Variants in BNC1 observed in about 807,000 individuals in gnomAD.
The protein encoded by BNC1 is basonuclin zinc finger protein 1, also known as zinc finger protein basonuclin-1.
BNC1 carries 8 observed loss-of-function variants against 66.5 expected under a neutral mutation model. That is an observed-to-expected ratio of 0.12 (90% confidence interval 0.07 to 0.22). BNC1 has a LOEUF of 0.22. BNC1 is among the 10% of genes least tolerant of loss of function. The pLI, the probability that BNC1 is intolerant of heterozygous loss-of-function variation, is 1.00. For synonymous variants in BNC1, 454 were observed against 452.6 expected (o/e 1.00, Z -0.04); for missense variants, 1,069 against 1,241.3 (o/e 0.86, Z 2.09).
At chr15:83,262,150 C>T (rs908361115) in intron 4 of BNC1, among the ~76,000 whole-genome samples, 1 of 148,780 alleles carries the variant, frequency 6.7e-6, no homozygotes, top group South Asian at 2.2e-4. Context: ...CGGGTTCAAA[C>T]GTTTCTCCTG....
Position 83,264,821 on chromosome 15 carries a change from C to T in BNC1, c.436-6G>A, listed in dbSNP as rs1176259317. On this transcript the variant is annotated splice_region_variant and splice_polypyrimidine_tract_variant and intron_variant, in intron 3 of 4. Coordinates refer to ENST00000345382, the MANE Select transcript of BNC1 (RefSeq NM_001717.4). Reference sequence around the variant, plus strand: ...AACACCTTTCCTGATGCATCCTAAACCCAAACCAGATGTTAGAAGTGTGAT... The same window carrying T: ...AACACCTTTCCTGATGCATCCTAAATCCAAACCAGATGTTAGAAGTGTGAT... The T allele has an allele frequency of 6.2e-6, 10 of 1,609,784 alleles. No homozygotes were observed. The East Asian group carries it at 2.2e-4, about 36-fold the overall frequency.
In BNC1 at chr15:83,267,634, G is replaced by T. The variant is rs1228653615; in HGVS notation, c.199+499C>A. ...ACACTAGTCACATTTCAAGTACTCA[G>T]TAGCCACAAGTGACTACTGTAGAGT... On this transcript the variant is annotated intron_variant, in intron 2 of 4. Transcript: ENST00000345382. Among the ~76,000 whole-genome samples, 4 of 152,156 alleles carry T rather than the reference G, an allele frequency of 2.6e-5. No individual in the cohort carries two copies. The South Asian group carries it at 6.2e-4, about 24-fold the overall frequency.
intron 1 of BNC1, among the ~76,000 whole-genome samples, chr15:83,282,118 G>A (rs1463125069): frequency 5.9e-5 from 9 of 152,132 alleles, no homozygotes; most frequent in Admixed American, 5.9e-4. Context: ...TAGTCTGAAG[G>A]GACACTATAG....
rs779916181 is a variant in BNC1 at position 83,258,048 on chromosome 15, T to C, written c.2379A>G (p.Ala793=). 3.7e-6 allele frequency: 6 copies of C among 1,613,846 alleles called. No homozygotes were observed. In the South Asian group the frequency reaches 6.6e-5, roughly 18 times the overall value. The part of the protein sequence containing the change: ...ALESSEDHFR[A]AYLLKDVAKE... ...TAGCCACATCTTTCAGAAGGTAAGC[T>C]GCACGGAAATGATCTTCACTACTCT... Residue 793 remains alanine, a synonymous_variant, in exon 5 of 5, where the codon GCA becomes GCG. Transcript: ENST00000345382.
At chr15:83,277,230 TA>T (rs1280383837) in intron 1 of BNC1, among the ~76,000 whole-genome samples, 1 of 152,140 alleles carries the variant, frequency 6.6e-6, no homozygotes, top group African/African-American at 2.4e-5. Context: ...CATGCCACCA[TA>T]ACCAGCTAAT....
At chr15:83,261,734 G>A (rs4423388) in intron 4 of BNC1, among the ~76,000 whole-genome samples, 30,779 of 152,088 alleles carry the variant, frequency 0.2, 3,269 homozygotes, top group Admixed American at 0.22. Flanking sequence ...GTTTGCCTGC[G>A]TGTGTGTGTC....
intron 4 of BNC1, among the ~76,000 whole-genome samples, chr15:83,259,910 C>G (rs747773995): frequency 1.3e-5 from 2 of 152,134 alleles, no homozygotes; most frequent in Admixed American, 6.6e-5. Context: ...GTTTCTAGGA[C>G]TCTCCTAATC....
In BNC1 at chr15:83,263,889, G is replaced by C; in HGVS notation, c.1362C>G (p.Pro454=). The C allele has an allele frequency of 6.2e-7, 1 of 1,614,212 alleles. No individual in the cohort carries two copies. Among genetic ancestry groups the C allele is most frequent in the South Asian group, 1.1e-5 (1 of 91,080 alleles). The change falls in exon 4 of 5, where the codon CCC becomes CCG. Residue 454 remains proline, a synonymous_variant. Coordinates refer to ENST00000345382, the MANE Select transcript of BNC1 (RefSeq NM_001717.4). ...AATCCTCTCCTGAACCAGGGTAGCTGGGAGGAGGCCTACAGTCTGGGGACG... is the reference window on the plus strand; with the variant it reads ...AATCCTCTCCTGAACCAGGGTAGCTCGGAGGAGGCCTACAGTCTGGGGACG... ...TVTSPDCRPP[P]SYPGSGEDSK...
At chr15:83,283,178 G>A (rs375949466) in intron 1 of BNC1, 1 of 1,535,664 alleles carries the variant, frequency 6.5e-7, no homozygotes, top group Non-Finnish European at 8.7e-7. Context: ...ACAAAGAGAT[G>A]CCTTAAATGA....
Position 83,263,108 on chromosome 15 carries a change from T to C in BNC1, c.2143A>G (p.Ile715Val). 6.2e-7 allele frequency: 1 copy of C among 1,614,236 alleles called. No homozygotes were observed. Among genetic ancestry groups the C allele is most frequent in the Non-Finnish European group, 8.5e-7 (1 of 1,180,038 alleles). ...TCACACTGGAAGCGATTTTCTTCTA[T>C]CTGCCTTGCTAATGCATGCTGACCC... ...HVGQHALARQ[I>V]EENRFQCDIC... is the part of the protein sequence containing the mutation. Residue 715 changes from isoleucine (I) to valine (V), a missense_variant, in exon 4 of 5, where the codon ATA (isoleucine) becomes GTA (valine). Ile to Val is a conservative substitution (Grantham distance 29, BLOSUM62 3). Around this residue, in one of 7 missense-constraint regions of BNC1, gnomAD observed 657 missense variants for 715.8 expected, o/e 0.92. Transcript: ENST00000345382.
rs1279096371 is a variant in BNC1, at chr15:83,256,220, A to T, written c.*1222T>A. 6.6e-6 allele frequency: 1 copy of T among 152,596 alleles called. No individual in the cohort carries two copies. Among genetic ancestry groups the T allele is most frequent in the African/African-American group, 2.4e-5 (1 of 41,460 alleles). The allele number at this position is 152,596 out of a possible 1,614,324, so 9.5% of individuals were successfully genotyped here. A position where few individuals can be genotyped will look rare whatever the true frequency, so the allele number is the denominator to read the frequency against. On this transcript the variant is annotated 3_prime_UTR_variant, in exon 5 of 5. Transcript: ENST00000345382. ...TAACTTGAATTCTGAATACAAAATC[A>T]ATGTCCTTGTACCTACACAGGCTTT...
rs142149026 is a variant in BNC1, at chr15:83,282,376, T to C, written c.99+2154A>G. Among the ~76,000 whole-genome samples, 1,143 of 152,342 alleles carry C rather than the reference T, an allele frequency of 7.5e-3. 8 individuals are homozygous for C. The highest frequency in any genetic ancestry group is 0.012 in the Non-Finnish European group (824 of 68,016). On this transcript the variant is annotated intron_variant, in intron 1 of 4. Transcript: ENST00000345382. ...CTTATTCGTTTTAACCATCTGAAAG[T>C]ATGCCAAAAAGAATAAAGTTATTTC...
At chr15:83,277,728 C>A (rs2038340842) in intron 1 of BNC1, among the ~76,000 whole-genome samples, 1 of 152,052 alleles carries the variant, frequency 6.6e-6, no homozygotes, top group African/African-American at 2.4e-5. Context: ...GCTGGGCTAC[C>A]TTTGGTGTCT....
Position 83,256,092 on chromosome 15 carries a change from G to A in BNC1, c.*1350C>T, listed in dbSNP as rs2038070471. The A allele has an allele frequency of 6.6e-6, 1 of 152,514 alleles. No homozygotes were observed. Among genetic ancestry groups the A allele is most frequent in the African/African-American group, 2.4e-5 (1 of 41,440 alleles). 9.4% of individuals were successfully genotyped at this position (152,514 alleles called of 1,614,324 possible). ...AAGCTGAAATAATTGGTAACAGGTT[G>A]TTGGCTTTTTAACCTTTAGACCACA... On this transcript the variant is annotated 3_prime_UTR_variant, in exon 5 of 5. Coordinates refer to ENST00000345382, the MANE Select transcript of BNC1 (RefSeq NM_001717.4).
chr15:83,276,329 C>A (rs2038323319), intron 1 of BNC1, among the ~76,000 whole-genome samples: 1 of 152,238 alleles, frequency 6.6e-6, no homozygotes, highest in Non-Finnish European at 1.5e-5. Context: ...ATGAATCATT[C>A]CTGCAAGAGG....
Position 83,257,587 on chromosome 15 carries a change from T to A in BNC1, c.2840A>T (p.Tyr947Phe). The change falls in exon 5 of 5, where the codon TAC (tyrosine) becomes TTC (phenylalanine). Residue 947 changes from tyrosine to phenylalanine, a missense_variant. Coordinates refer to ENST00000345382, the MANE Select transcript of BNC1 (RefSeq NM_001717.4). ...YSNKGTFRAHYKTVHLRQLHK... is the reference protein window; with the variant it reads ...YSNKGTFRAHFKTVHLRQLHK... ...GAGCTGCCGGAGGTGCACAGTTTTG[T>A]AGTGGGCCCTAAAGGTCCCTTTGTT... The A allele has an allele frequency of 6.2e-7, 1 of 1,614,130 alleles. No homozygotes were observed. Among genetic ancestry groups the A allele is most frequent in the Non-Finnish European group, 8.5e-7 (1 of 1,180,034 alleles).
Position 83,284,519 on chromosome 15 carries a change from G to A in BNC1, c.99+11C>T. ...GAGAATCCCCGCGCCCGCGGAGGGCGCCGCGCTTACCTCGGCCATCCTGCG... is the reference window on the plus strand; with the variant it reads ...GAGAATCCCCGCGCCCGCGGAGGGCACCGCGCTTACCTCGGCCATCCTGCG... On this transcript the variant is annotated intron_variant, in intron 1 of 4. Coordinates refer to ENST00000345382, the MANE Select transcript of BNC1 (RefSeq NM_001717.4). The A allele has an allele frequency of 1.7e-6, 2 of 1,198,222 alleles. No homozygotes were observed. The highest frequency in any genetic ancestry group is 3.4e-4 in the Middle Eastern group (1 of 2,930). 74.2% of individuals were successfully genotyped at this position (1,198,222 alleles called of 1,614,324 possible).
rs1388002828 is a variant in BNC1, at chr15:83,256,591, G to A, written c.*851C>T. ...ATTCCACAGGTGACCAAAAAGAACA[G>A]AGTTTGAAGTTCACCAAATGAAAAC... On this transcript the variant is annotated 3_prime_UTR_variant, in exon 5 of 5. Transcript: ENST00000345382. 1 of 152,248 alleles carries A rather than the reference G, an allele frequency of 6.6e-6. No homozygotes were observed. Among genetic ancestry groups the A allele is most frequent in the Non-Finnish European group, 1.5e-5 (1 of 68,032 alleles). 9.4% of individuals were successfully genotyped at this position (152,248 alleles called of 1,614,324 possible). A position where few individuals can be genotyped will look rare whatever the true frequency, so the allele number is the denominator to read the frequency against.
chr15:83,268,266 T>G, intron 1 of BNC1, 34 bp from the exon 2 acceptor site: 1 of 1,526,802 alleles, frequency 6.5e-7, no homozygotes, highest in Non-Finnish European at 9.1e-7. Flanking sequence ...ATGTGGAGCA[T>G]GTAAGTGATG....
Sources: allele counts gnomAD v4.1 joint callset (sites outside exome capture counted in the v4.1 genomes callset), GRCh38; gene constraint gnomAD v4.1.1; regional missense constraint gnomAD v4.1.1; transcripts MANE v1.5; gene names NCBI Gene and HGNC (gene_info 2026-07-23, HGNC 2026-07-21).